Variants in ISCA1 observed in about 807,000 individuals in gnomAD.
The protein encoded by ISCA1 is iron-sulfur cluster assembly 1, also known as iron-sulfur cluster assembly 1 homolog, mitochondrial.
A neutral mutation model predicts 14.7 loss-of-function variants in ISCA1; 9 were observed. The observed-to-expected ratio is 0.61, with a 90% CI of 0.37 to 1.07. The LOEUF is 1.07. Among genes scored for constraint, ISCA1 ranks in the 50% least tolerant of loss-of-function variants. The probability of loss-of-function intolerance (pLI) is 0.01; values close to 1 mark genes in which losing one functional copy is unlikely to be tolerated. For missense variants in ISCA1, 102 were observed against 150.1 expected (o/e 0.68, Z 1.67); for synonymous variants, 38 against 54.3 (o/e 0.70, Z 1.32).
rs761986989 is a variant in ISCA1 at position 86,266,208 on chromosome 9, CAT to C, written c.242-19_242-18del. ...CTCTGACTCCTTGGAGAAAAGAAAA[CAT>C]GTGTCATGGAAAGCCTGCAGCCTTA... On this transcript the variant is annotated intron_variant, in intron 3 of 3. Coordinates refer to ENST00000375991, the MANE Select transcript of ISCA1 (RefSeq NM_030940.4). The C allele has an allele frequency of 8.3e-5, 132 of 1,592,278 alleles. No individual in the cohort carries two copies. Among genetic ancestry groups the C allele is most frequent in the Non-Finnish European group, 1.1e-4 (124 of 1,171,298 alleles).
At chr9:86,272,976 G>A (rs1825390409) in intron 2 of ISCA1, among the ~76,000 whole-genome samples, 1 of 152,176 alleles carries the variant, frequency 6.6e-6, no homozygotes, top group African/African-American at 2.4e-5. Flanking sequence ...GGAACCCACA[G>A]ATACGGAGAG....
chr9:86,266,452 A>T (rs1825293864), intron 3 of ISCA1, among the ~76,000 whole-genome samples: 1 of 152,200 alleles, frequency 6.6e-6, no homozygotes, highest in South Asian at 2.1e-4. Flanking sequence ...CAAAATTAGA[A>T]TTTACCTTTC....
At chr9:86,271,729 AAAGAATT>A (rs1487526187) in intron 3 of ISCA1, among the ~76,000 whole-genome samples, 1 of 152,222 alleles carries the variant, frequency 6.6e-6, no homozygotes, top group African/African-American at 2.4e-5. Flanking sequence ...CAGTCTCTGG[AAAGAATT>A]TTACTAGGCC....
At chr9:86,271,588 T>C (rs552404704) in intron 3 of ISCA1, among the ~76,000 whole-genome samples, 1 of 152,208 alleles carries the variant, frequency 6.6e-6, no homozygotes, top group Non-Finnish European at 1.5e-5. Flanking sequence ...GACACAGATA[T>C]AAAACTACTG....
chr9:86,278,411 T>C (rs1825468083), intron 1 of ISCA1, among the ~76,000 whole-genome samples: 1 of 152,130 alleles, frequency 6.6e-6, no homozygotes, highest in Admixed American at 6.5e-5. Context: ...ATGCCTGTAA[T>C]GCCAGCACTT....
chr9:86,274,906 C>T (rs1825421621), intron 1 of ISCA1, among the ~76,000 whole-genome samples: 1 of 152,082 alleles, frequency 6.6e-6, no homozygotes, highest in Non-Finnish European at 1.5e-5. Context: ...GAGCTGTTTC[C>T]CAGAGAAATG....
At chr9:86,277,221 T>C (rs768963023) in intron 1 of ISCA1, among the ~76,000 whole-genome samples, 11 of 152,186 alleles carry the variant, frequency 7.2e-5, no homozygotes, top group Non-Finnish European at 1.3e-4. Flanking sequence ...TCACATCTCA[T>C]ACTGAAGGAC....
intron 1 of ISCA1, among the ~76,000 whole-genome samples, chr9:86,280,734 G>C (rs905547634): frequency 3.3e-5 from 5 of 151,736 alleles, no homozygotes; most frequent in Admixed American, 2.6e-4. Flanking sequence ...TGGACTGCTT[G>C]AGCCCAGGAG....
Position 86,265,347 on chromosome 9 carries a change from T to G in ISCA1, c.*696A>C, listed in dbSNP as rs7021024. ...TTTGCTTCCTCACATAGGGAATTGA[T>G]GGAGGTGGGCTAGATGGCTTTAAGA... On this transcript the variant is annotated 3_prime_UTR_variant, in exon 4 of 4. Coordinates refer to ENST00000375991, the MANE Select transcript of ISCA1 (RefSeq NM_030940.4). The G allele has an allele frequency of 0.31, 46,570 of 152,010 alleles. 8,364 individuals carry two copies. Among genetic ancestry groups the G allele is most frequent in the East Asian group, 0.49 (2,507 of 5,124 alleles). 9.4% of individuals were successfully genotyped at this position (152,010 alleles called of 1,614,324 possible). A position where few individuals can be genotyped will look rare whatever the true frequency, so the allele number is the denominator to read the frequency against.
intron 1 of ISCA1, among the ~76,000 whole-genome samples, chr9:86,277,875 T>G (rs1383019511): frequency 6.6e-6 from 1 of 152,208 alleles, no homozygotes; most frequent in Non-Finnish European, 1.5e-5. Flanking sequence ...TTGGCCTAAT[T>G]GAAAAATAAA....
intron 3 of ISCA1, among the ~76,000 whole-genome samples, chr9:86,270,962 G>A (rs1308895610): frequency 9.1e-6 from 1 of 109,408 alleles, no homozygotes; most frequent in African/African-American, 3.5e-5. Context: ...GGAGGGGGGA[G>A]GGATAGCATT....
At chr9:86,269,238 A>G (rs1220187393) in intron 3 of ISCA1, among the ~76,000 whole-genome samples, 2 of 152,246 alleles carry the variant, frequency 1.3e-5, no homozygotes, top group Admixed American at 6.5e-5. Context: ...CAACTTCAGC[A>G]AAGTCTCAGG....
rs200573290 is a variant in ISCA1, at chr9:86,280,945, AAAAC to A, written c.81+1429_81+1432del. On this transcript the variant is annotated intron_variant, in intron 1 of 3. Transcript: ENST00000375991. ...CCTGTCTCCAAAAACAAAACAAACA[AAAAC>A]AAACAAACAAACAAAAAACAAAAAA... is the stretch of plus-strand genomic sequence containing the variant. 5.0e-3 allele frequency among the ~76,000 whole-genome samples: 735 copies of A among 145,816 alleles called. 9 individuals carry two copies. Among genetic ancestry groups the A allele is most frequent in the African/African-American group, 0.018 (646 of 36,838 alleles).
intron 1 of ISCA1, 158 bp downstream of exon 1, chr9:86,282,220 G>A (rs577526769): frequency 1.2e-5 from 9 of 734,162 alleles, no homozygotes; most frequent in South Asian, 1.0e-4. Flanking sequence ...AGGGGCCGGA[G>A]GCGAAGGAGG....
At chr9:86,266,666 G>C (rs1825296174) in intron 3 of ISCA1, among the ~76,000 whole-genome samples, 1 of 152,080 alleles carries the variant, frequency 6.6e-6, no homozygotes, top group African/African-American at 2.4e-5. Flanking sequence ...TCTGGTTACA[G>C]GACGGAAAAC....
At chr9:86,276,437 T>C (rs902726649) in intron 1 of ISCA1, among the ~76,000 whole-genome samples, 27 of 152,242 alleles carry the variant, frequency 1.8e-4, no homozygotes. Context: ...CAATAAAAGC[T>C]AGCTTTCTTA....
chr9:86,269,621 C>A (rs1266379640), intron 3 of ISCA1, among the ~76,000 whole-genome samples: 6 of 150,882 alleles, frequency 4.0e-5, no homozygotes, highest in Non-Finnish European at 7.4e-5. Flanking sequence ...AAAAAAAAAA[C>A]CCGCATCGCC....
rs116299505 is a variant in ISCA1, at chr9:86,274,728, T to C, written c.82-486A>G. On this transcript the variant is annotated intron_variant, in intron 1 of 3. Coordinates refer to ENST00000375991, the MANE Select transcript of ISCA1 (RefSeq NM_030940.4). ...TCCATTTCTAATCCATCAAAATGCA[T>C]AGCTTGAGGAAACAGTGTTACCAGC... Among the ~76,000 whole-genome samples, 422 of 152,260 alleles carry C rather than the reference T, an allele frequency of 2.8e-3. 2 individuals carry two copies. The highest frequency in any genetic ancestry group is 9.4e-3 in the African/African-American group (392 of 41,548).
chr9:86,269,293 A>G (rs1044714461), intron 3 of ISCA1, among the ~76,000 whole-genome samples: 1 of 152,214 alleles, frequency 6.6e-6, no homozygotes, highest in African/African-American at 2.4e-5. Context: ...TTATACACCA[A>G]TAACAGACAA....
Sources: gnomAD v4.1 joint callset for allele counts (sites outside exome capture counted in the v4.1 genomes callset) on GRCh38, gnomAD v4.1.1 for gene constraint, MANE v1.5 for transcripts, NCBI Gene and HGNC (gene_info 2026-07-23, HGNC 2026-07-21) for gene names.